The following CAMKK2 variants were observed in gnomAD, a reference collection of about 807,000 sequenced individuals.
CAMKK2 encodes the protein calcium/calmodulin dependent protein kinase kinase 2, also known as calcium/calmodulin-dependent protein kinase kinase 2.
In CAMKK2, 30 loss-of-function variants were observed where a neutral mutation model predicts 67.2. The ratio of observed to expected loss-of-function variants is 0.45; its 90% CI spans 0.33 to 0.61. The LOEUF is 0.61. Among genes scored for constraint, CAMKK2 ranks in the 20% least tolerant of loss-of-function variants. The pLI, the probability that CAMKK2 is intolerant of heterozygous loss-of-function variation, is 0.02. For missense variants in CAMKK2, 643 were observed against 802.0 expected (o/e 0.80, Z 2.39); for synonymous variants, 322 against 326.2 (o/e 0.99, Z 0.14).
chr12:121,249,884 G>A lies in CAMKK2; in HGVS notation c.1236-10C>T. ...CTCAGCTATGTCGGGCCTGGGGATG[G>A]AGAGGCGTCAGGGTGGCAGACACGG... On this transcript the variant is annotated splice_polypyrimidine_tract_variant and intron_variant, in intron 12 of 16. Coordinates refer to ENST00000404169, the MANE Select transcript of CAMKK2 (RefSeq NM_001270485.2). The A allele has an allele frequency of 6.2e-7, 1 of 1,613,846 alleles. No homozygotes were observed. Among genetic ancestry groups the A allele is most frequent in the South Asian group, 1.1e-5 (1 of 91,066 alleles).
intron 1 of CAMKK2, among the ~76,000 whole-genome samples, chr12:121,292,188 C>T (rs1900170925): frequency 6.6e-6 from 1 of 151,586 alleles, no homozygotes; most frequent in South Asian, 2.1e-4. Context: ...TGCAGTGGCA[C>T]GATCTTGGCT....
intron 1 of CAMKK2, among the ~76,000 whole-genome samples, chr12:121,286,822 T>C (rs879918025): frequency 9.2e-5 from 14 of 152,166 alleles, no homozygotes; most frequent in Middle Eastern, 3.2e-3. Context: ...GGCACAAGTG[T>C]GAATGCTCAC....
chr12:121,271,021 T>C, intron 2 of CAMKK2, 76 bp from the exon 3 acceptor site: 3 of 1,198,332 alleles, frequency 2.5e-6, no homozygotes, highest in Non-Finnish European at 3.7e-6. Flanking sequence ...GGCTCACACC[T>C]ACAAGCCCTT....
chr12:121,261,159 T>A (rs1893374394), intron 6 of CAMKK2, among the ~76,000 whole-genome samples: 1 of 151,960 alleles, frequency 6.6e-6, no homozygotes, highest in African/African-American at 2.4e-5. Flanking sequence ...CACCTTGATT[T>A]CCTCGGTGGC....
Position 121,274,237 on chromosome 12 carries a change from C to T in CAMKK2, c.290G>A (p.Arg97His), listed in dbSNP as rs199530456. 34 of 1,609,554 alleles carry T rather than the reference C, an allele frequency of 2.1e-5. No individual in the cohort carries two copies. The highest frequency in any genetic ancestry group is 1.3e-4 in the East Asian group (6 of 44,754). ...GGACCGCTCTTGCAGAGACAGCTTG[C>T]GACCGGAGAGGTGGGGCCGGGCCTG... ...GSQARPHLSG[R>H]KLSLQERSQG... The change falls in exon 2 of 17, where the codon CGC (arginine) becomes CAC (histidine). Residue 97 changes from arginine to histidine, a missense_variant. Physicochemically the swap from Arg to His is conservative, Grantham distance 29. Coordinates refer to ENST00000404169, the MANE Select transcript of CAMKK2 (RefSeq NM_001270485.2).
At chr12:121,244,820 C>G (rs987556806) in intron 15 of CAMKK2, among the ~76,000 whole-genome samples, 3 of 152,246 alleles carry the variant, frequency 2.0e-5, no homozygotes, top group Non-Finnish European at 1.5e-5. Flanking sequence ...TCGCCCAGCA[C>G]AGAGCCTCAA....
intron 2 of CAMKK2, among the ~76,000 whole-genome samples, chr12:121,271,293 T>C (rs1342935965): frequency 1.5e-5 from 2 of 136,858 alleles, no homozygotes; most frequent in Admixed American, 7.1e-5. Context: ...AAAAAAAAAG[T>C]TTGCAACTAG....
rs1236473976 is a variant in CAMKK2, at chr12:121,285,962, G to A, written c.-60+10676C>T. Among the ~76,000 whole-genome samples the A allele has an allele frequency of 6.6e-6, 1 of 152,218 alleles. No homozygotes were observed. Among genetic ancestry groups the A allele is most frequent in the Non-Finnish European group, 1.5e-5 (1 of 68,040 alleles). ...GCTACCAGGGGCTGGAGAGAACCCT[G>A]CCTCAGAATGAAGTCTAAGAAGAGA... On this transcript the variant is annotated intron_variant, in intron 1 of 16. Transcript: ENST00000404169. The surrounding 1 kb of genome is among the most constrained non-coding windows in gnomAD (Gnocchi z 4.1).
intron 10 of CAMKK2, 138 bp from the exon 11 acceptor site, chr12:121,252,852 G>A: frequency 1.3e-6 from 1 of 787,470 alleles, no homozygotes. Context: ...TAGGCTCTGG[G>A]GCAGGCACAG....
chr12:121,292,940 C>G (rs1278165179), intron 1 of CAMKK2, among the ~76,000 whole-genome samples: 1 of 151,500 alleles, frequency 6.6e-6, no homozygotes, highest in Non-Finnish European at 1.5e-5. Flanking sequence ...CTGCCCTCCA[C>G]CCTGAGCAAC....
chr12:121,274,216 C>T lies in CAMKK2; in HGVS notation c.311G>A (p.Arg104Gln), dbSNP rs1307277623. The change falls in exon 2 of 17, where the codon CGG becomes CAG. Residue 104 changes from arginine to glutamine, a missense_variant. This residue lies in a region of CAMKK2 where 483 missense variants were observed against 625.8 expected (regional missense o/e 0.77). Coordinates refer to ENST00000404169, the MANE Select transcript of CAMKK2 (RefSeq NM_001270485.2). ...ACCGGCTGCCAGCCCACCCTGGGAC[C>T]GCTCTTGCAGAGACAGCTTGCGACC... The part of the protein sequence containing the change: ...LSGRKLSLQE[R>Q]SQGGLAAGGS... 7 of 1,605,384 alleles carry T rather than the reference C, an allele frequency of 4.4e-6. No individual in the cohort carries two copies. The highest frequency in any genetic ancestry group is 2.2e-5 in the East Asian group (1 of 44,590).
intron 2 of CAMKK2, among the ~76,000 whole-genome samples, chr12:121,271,677 A>G (rs1028171157): frequency 1.3e-5 from 2 of 152,210 alleles, no homozygotes; most frequent in African/African-American, 4.8e-5. Context: ...GAAACAAATG[A>G]TAAATTGGAC....
chr12:121,241,469 T>G (rs993809106), intron 16 of CAMKK2, among the ~76,000 whole-genome samples: 1 of 152,124 alleles, frequency 6.6e-6, no homozygotes, highest in Non-Finnish European at 1.5e-5. Context: ...CCTTCCCTCT[T>G]GGAAGTGGGA....
chr12:121,261,773 G>A (rs1050228769), intron 6 of CAMKK2, among the ~76,000 whole-genome samples: 4 of 152,330 alleles, frequency 2.6e-5, no homozygotes, highest in African/African-American at 4.8e-5. Context: ...ATGCCTTTCC[G>A]TGACTTCTCA....
intron 11 of CAMKK2, among the ~76,000 whole-genome samples, chr12:121,250,818 C>T (rs1890567619): frequency 2.0e-5 from 3 of 152,166 alleles, no homozygotes; most frequent in Admixed American, 2.0e-4. Flanking sequence ...TTAATGGATA[C>T]TTGAATTATT....
intron 16 of CAMKK2, among the ~76,000 whole-genome samples, chr12:121,244,372 C>A (rs1888980419): frequency 6.6e-6 from 1 of 152,254 alleles, no homozygotes; most frequent in South Asian, 2.1e-4. Context: ...CCCCAGCCCA[C>A]ATGCATGACC....
chr12:121,262,228 C>T lies in CAMKK2; in HGVS notation c.759+1578G>A, dbSNP rs779534371. On this transcript the variant is annotated intron_variant, in intron 6 of 16. Coordinates refer to ENST00000404169, the MANE Select transcript of CAMKK2 (RefSeq NM_001270485.2). ...TTTTATTTTTCATAAAAATGTATTA[C>T]TCGGCCGGGTGCAGTGGCTCACTCC... Among the ~76,000 whole-genome samples, 10 of 152,118 alleles carry T rather than the reference C, an allele frequency of 6.6e-5. No homozygotes were observed. The East Asian group carries it at 7.7e-4, about 12-fold the overall frequency.
intron 13 of CAMKK2, among the ~76,000 whole-genome samples, chr12:121,249,361 T>A (rs1482970564): frequency 2.0e-5 from 3 of 152,232 alleles, no homozygotes; most frequent in African/African-American, 7.2e-5. Flanking sequence ...TTCCTAAAAG[T>A]GCTTTCTGCA....
chr12:121,276,023 G>A (rs1414672460), intron 1 of CAMKK2, among the ~76,000 whole-genome samples: 2 of 151,732 alleles, frequency 1.3e-5, no homozygotes, highest in East Asian at 3.9e-4. Flanking sequence ...AGCCAAGTGT[G>A]GTGATGTACA....
Sources: allele counts gnomAD v4.1 joint callset (sites outside exome capture counted in the v4.1 genomes callset), GRCh38; gene constraint gnomAD v4.1.1; regional missense constraint gnomAD v4.1.1; non-coding constraint Gnocchi (gnomAD v3.1); transcripts MANE v1.5; gene names NCBI Gene and HGNC (gene_info 2026-07-23, HGNC 2026-07-21).